USH2A: variants seen among roughly 807,000 people sequenced by gnomAD.
The protein encoded by USH2A is Usher syndrome 2A (autosomal recessive, mild).
Under a neutral mutation model 538.9 loss-of-function variants are expected in USH2A, and 443 were observed. The observed-to-expected ratio is 0.82, with a 90% CI of 0.76 to 0.89. The LOEUF (loss-of-function observed/expected upper bound fraction) is 0.89, where lower values mean the gene tolerates loss of function less well. Among genes scored for constraint, USH2A ranks in the 40% least tolerant of loss-of-function variants. USH2A has a pLI of 0.00. For missense variants in USH2A, 6,633 were observed against 6,324.8 expected (o/e 1.05, Z -1.65); for synonymous variants, 2,413 against 2,273.5 (o/e 1.06, Z -1.75).
At chr1:215,769,838 G>C (rs1043324204) in intron 55 of USH2A, among the ~76,000 whole-genome samples, 1 of 152,168 alleles carries the variant, frequency 6.6e-6, no homozygotes, top group Non-Finnish European at 1.5e-5. Flanking sequence ...AGGAGACAAA[G>C]ATTGAAGAAC....
intron 38 of USH2A, among the ~76,000 whole-genome samples, chr1:215,910,531 T>C (rs530798497): frequency 7.2e-5 from 9 of 124,480 alleles, no homozygotes; most frequent in Non-Finnish European, 1.3e-4. Context: ...GGTTACACAA[T>C]ATAATATATA....
At chr1:215,709,645 T>TAAAAAAAAAAAAAA (rs5780846) in intron 61 of USH2A, among the ~76,000 whole-genome samples, 1 of 127,036 alleles carries the variant, frequency 7.9e-6, no homozygotes, top group Non-Finnish European at 1.6e-5. Context: ...AGATAATTTG[T>TAAAAAAAAAAAAAA]AAAAAAAAAA....
At chr1:216,054,150 C>A (rs1287535836) in intron 30 of USH2A, among the ~76,000 whole-genome samples, 1 of 152,200 alleles carries the variant, frequency 6.6e-6, no homozygotes, top group East Asian at 1.9e-4. Context: ...TAGCACTTGA[C>A]GGGTGACTGA....
At chr1:216,050,572 CTT>C (rs1236751090) in intron 30 of USH2A, among the ~76,000 whole-genome samples, 1 of 39,226 alleles carries the variant, frequency 2.5e-5, no homozygotes, top group African/African-American at 8.6e-5. Context: ...TTCTTTCTTT[CTT>C]TCTTTCTTTC....
At chr1:216,294,875 T>A (rs1005845337) in intron 9 of USH2A, among the ~76,000 whole-genome samples, 70 of 152,052 alleles carry the variant, frequency 4.6e-4, no homozygotes, top group Admixed American at 7.9e-4. Flanking sequence ...TTATTCATTT[T>A]TCTTTAGTAT....
At chr1:215,779,697 G>C (rs1661565196) in intron 55 of USH2A, 146 bp downstream of exon 55, 7 of 926,476 alleles carry the variant, frequency 7.6e-6, no homozygotes, top group Non-Finnish European at 1.0e-5. Flanking sequence ...TATTAGCATG[G>C]ATAAGTGGGA....
intron 65 of USH2A, 60 bp downstream of exon 65, chr1:215,650,532 G>T: frequency 1.3e-6 from 2 of 1,594,816 alleles, no homozygotes; most frequent in African/African-American, 1.3e-5. Context: ...AAAAACAAAG[G>T]TTTCATAGTA....
At chr1:215,911,476 C>A (rs891434380) in intron 38 of USH2A, among the ~76,000 whole-genome samples, 3 of 151,952 alleles carry the variant, frequency 2.0e-5, no homozygotes, top group Non-Finnish European at 4.4e-5. Flanking sequence ...CTGTGCCAGG[C>A]TTATTTCATC....
chr1:216,145,667 G>A (rs2033682285), intron 21 of USH2A, among the ~76,000 whole-genome samples: 1 of 152,188 alleles, frequency 6.6e-6, no homozygotes, highest in Admixed American at 6.5e-5. Flanking sequence ...CGCCCAGATG[G>A]CCTGAAGTAA....
At chr1:216,076,088 A>G (rs1185736465) in intron 27 of USH2A, among the ~76,000 whole-genome samples, 1 of 152,176 alleles carries the variant, frequency 6.6e-6, no homozygotes, top group Non-Finnish European at 1.5e-5. Flanking sequence ...GCAGCTATTT[A>G]TATAGATCAG....
intron 43 of USH2A, among the ~76,000 whole-genome samples, chr1:215,874,878 A>G (rs1312180957): frequency 6.6e-6 from 1 of 152,182 alleles, no homozygotes; most frequent in Non-Finnish European, 1.5e-5. Flanking sequence ...TCAATTAAAA[A>G]CCCAGGAAAA....
intron 14 of USH2A, 60 bp downstream of exon 14, chr1:216,231,893 C>T: frequency 6.2e-7 from 1 of 1,606,856 alleles, no homozygotes; most frequent in Non-Finnish European, 8.5e-7. Context: ...TTGCAACTGC[C>T]AAAAAAAGTT....
intron 64 of USH2A, among the ~76,000 whole-genome samples, chr1:215,651,782 T>A (rs1015853661): frequency 2.0e-5 from 3 of 152,224 alleles, no homozygotes; most frequent in Non-Finnish European, 4.4e-5. Flanking sequence ...TTTACTTTGC[T>A]TTTGCATCAA....
At chr1:215,892,180 T>C (rs1240097580) in intron 40 of USH2A, among the ~76,000 whole-genome samples, 1 of 152,152 alleles carries the variant, frequency 6.6e-6, no homozygotes, top group Non-Finnish European at 1.5e-5. Flanking sequence ...TGTGTATGAA[T>C]ACCCAGTTTG....
intron 30 of USH2A, among the ~76,000 whole-genome samples, chr1:216,048,976 A>G (rs555516955): frequency 7.9e-5 from 12 of 152,300 alleles, no homozygotes; most frequent in African/African-American, 2.9e-4. Flanking sequence ...GCTAAGATAT[A>G]TATTATCTCA....
intron 61 of USH2A, among the ~76,000 whole-genome samples, chr1:215,725,664 G>T (rs58228477): frequency 0.04 from 6,151 of 152,158 alleles, 379 homozygotes; most frequent in African/African-American, 0.13. Context: ...CAGAAGTATT[G>T]TTTTTAAAAT....
chr1:215,694,832 T>C (rs975386060), intron 61 of USH2A, among the ~76,000 whole-genome samples: 1 of 152,230 alleles, frequency 6.6e-6, no homozygotes, highest in African/African-American at 2.4e-5. Context: ...AATGACCATA[T>C]AGGATTTAGC....
chr1:216,080,357 A>G (rs2031900578), intron 26 of USH2A, among the ~76,000 whole-genome samples: 1 of 152,048 alleles, frequency 6.6e-6, no homozygotes, highest in Admixed American at 6.6e-5. Context: ...TTGGAAAATC[A>G]GTAGGGAAGA....
chr1:216,179,304 TTTTTTTTTAATTTGGCAAA>T (rs1296775466), intron 20 of USH2A, among the ~76,000 whole-genome samples: 1 of 150,214 alleles, frequency 6.7e-6, no homozygotes, highest in African/African-American at 2.5e-5. Flanking sequence ...TAGAGCACAC[TTTTTTTTTAATTTGGCAAA>T]GTGATTCTAA....
Sources: allele counts gnomAD v4.1 joint callset (sites outside exome capture counted in the v4.1 genomes callset), GRCh38; gene constraint gnomAD v4.1.1; transcripts MANE v1.5; gene names NCBI Gene and HGNC (gene_info 2026-07-23, HGNC 2026-07-21).